KCNH7: variants seen among roughly 807,000 people sequenced by gnomAD.
The protein encoded by KCNH7 is voltage-gated inwardly rectifying potassium channel KCNH7.
Under a neutral mutation model 120.8 loss-of-function variants are expected in KCNH7, and 49 were observed. The observed-to-expected ratio is 0.41, with a 90% CI of 0.32 to 0.51. The LOEUF is 0.51. Among genes scored for constraint, KCNH7 ranks in the 20% least tolerant of loss-of-function variants. The pLI is 0.38. For missense variants in KCNH7, 1,097 were observed against 1,446.6 expected, an observed-to-expected ratio of 0.76 and a Z score of 3.92; for synonymous variants, 547 against 516.1, an observed-to-expected ratio of 1.06 and a Z score of -0.81.
intron 2 of KCNH7, among the ~76,000 whole-genome samples, chr2:162,593,236 A>G (rs775421584): frequency 6.6e-6 from 1 of 152,088 alleles, no homozygotes; most frequent in Admixed American, 6.6e-5. Context: ...GATCTCTGGC[A>G]TAAGTAGTGG....
chr2:162,461,534 A>C (rs902811390), intron 6 of KCNH7, among the ~76,000 whole-genome samples: 2 of 152,252 alleles, frequency 1.3e-5, no homozygotes, highest in African/African-American at 4.8e-5. Flanking sequence ...TGCTAATTAT[A>C]GTTATTGAAT....
intron 2 of KCNH7, among the ~76,000 whole-genome samples, chr2:162,630,342 T>A (rs1683721196): frequency 6.6e-6 from 1 of 151,662 alleles, no homozygotes; most frequent in Non-Finnish European, 1.5e-5. Flanking sequence ...GACATGAAAA[T>A]ATGAAGCTAG....
intron 2 of KCNH7, among the ~76,000 whole-genome samples, chr2:162,590,767 G>A (rs566571939): frequency 6.6e-6 from 1 of 152,042 alleles, no homozygotes; most frequent in South Asian, 2.1e-4. Context: ...CTGTAGCCTG[G>A]GTGACTGTAA....
chr2:162,576,832 C>G (rs1237464722), intron 2 of KCNH7, among the ~76,000 whole-genome samples: 1 of 151,938 alleles, frequency 6.6e-6, no homozygotes, highest in Non-Finnish European at 1.5e-5. Context: ...TCTGGTAGAA[C>G]TATGAAGAAC....
chr2:162,652,069 A>G (rs551251284), intron 2 of KCNH7, among the ~76,000 whole-genome samples: 1 of 152,232 alleles, frequency 6.6e-6, no homozygotes, highest in South Asian at 2.1e-4. Context: ...AATTTGTAAA[A>G]CAGGATATTA....
intron 6 of KCNH7, among the ~76,000 whole-genome samples, chr2:162,495,358 T>C (rs1248085091): frequency 6.6e-6 from 1 of 152,124 alleles, no homozygotes; most frequent in African/African-American, 2.4e-5. Flanking sequence ...AGGAGCCCTA[T>C]GTTCTGGGGA....
intron 8 of KCNH7, among the ~76,000 whole-genome samples, chr2:162,432,538 A>G (rs565885667): frequency 6.6e-6 from 1 of 152,152 alleles, no homozygotes; most frequent in Admixed American, 6.6e-5. Flanking sequence ...ATCAGGATCT[A>G]TTTTCAACTT....
At chr2:162,400,144 A>T in intron 10 of KCNH7, 45 bp downstream of exon 10, 1 of 1,596,740 alleles carries the variant, frequency 6.3e-7, no homozygotes, top group Non-Finnish European at 8.6e-7. Context: ...TATGCATTAC[A>T]AGCTAATAAC....
chr2:162,595,286 C>T (rs1694341361), intron 2 of KCNH7, among the ~76,000 whole-genome samples: 1 of 151,898 alleles, frequency 6.6e-6, no homozygotes, highest in South Asian at 2.1e-4. Flanking sequence ...TCTTGTGAGA[C>T]TCACTCACTA....
intron 2 of KCNH7, among the ~76,000 whole-genome samples, chr2:162,542,371 G>C (rs944653037): frequency 6.0e-5 from 9 of 148,962 alleles, no homozygotes; most frequent in Non-Finnish European, 1.2e-4. Flanking sequence ...TTTAGCATTA[G>C]GTATATCTCC....
chr2:162,511,480 C>CAA (rs34204046), intron 5 of KCNH7, among the ~76,000 whole-genome samples: 4 of 95,994 alleles, frequency 4.2e-5, no homozygotes, highest in African/African-American at 7.6e-5. Flanking sequence ...GTGGACAGGT[C>CAA]AAAAAAAAAA....
chr2:162,430,657 T>C (rs772549917), intron 8 of KCNH7, among the ~76,000 whole-genome samples: 2 of 151,990 alleles, frequency 1.3e-5, no homozygotes, highest in Non-Finnish European at 2.9e-5. Context: ...AATTGCCTTA[T>C]ATATTTTGTT....
chr2:162,537,416 T>A (rs890382351), intron 2 of KCNH7, among the ~76,000 whole-genome samples: 1 of 152,042 alleles, frequency 6.6e-6, no homozygotes, highest in Non-Finnish European at 1.5e-5. Flanking sequence ...CTTACCATTT[T>A]CTTATAAATT....
rs142340796 is a variant in KCNH7, at chr2:162,754,789, A to G, written c.307+81748T>C. Among the ~76,000 whole-genome samples the G allele has an allele frequency of 2.5e-3, 375 of 152,332 alleles. 1 individual carries two copies. Among genetic ancestry groups the G allele is most frequent in the African/African-American group, 8.9e-3 (369 of 41,584 alleles). On this transcript the variant is annotated intron_variant, in intron 2 of 15. Transcript: ENST00000332142. ...AGCAATAAAATGCAAAGAAAAAATG[A>G]ATTATGAAGAAGCCACTGTATTTAG...
At chr2:162,542,424 C>T (rs1417020489) in intron 2 of KCNH7, among the ~76,000 whole-genome samples, 6 of 130,480 alleles carry the variant, frequency 4.6e-5, no homozygotes, top group Non-Finnish European at 9.6e-5. Flanking sequence ...CAACAGTCCC[C>T]GGAGTGTGAT....
intron 6 of KCNH7, among the ~76,000 whole-genome samples, chr2:162,459,547 G>T (rs921493242): frequency 5.3e-5 from 8 of 152,074 alleles, no homozygotes; most frequent in African/African-American, 1.7e-4. Flanking sequence ...ATCTTTTCTT[G>T]CTCTGCCTTC....
intron 9 of KCNH7, among the ~76,000 whole-genome samples, chr2:162,402,041 C>T (rs1377756847): frequency 6.6e-6 from 1 of 151,648 alleles, no homozygotes; most frequent in Non-Finnish European, 1.5e-5. Context: ...ACAAAATATG[C>T]CTCCCTTTGA....
chr2:162,569,965 TG>T (rs1693404127), intron 2 of KCNH7, among the ~76,000 whole-genome samples: 1 of 132,694 alleles, frequency 7.5e-6, no homozygotes, highest in South Asian at 2.7e-4. Context: ...TGGTCAATTT[TG>T]GAATAGGTGT....
intron 2 of KCNH7, among the ~76,000 whole-genome samples, chr2:162,829,097 A>C (rs1348170582): frequency 6.6e-6 from 1 of 152,132 alleles, no homozygotes; most frequent in Non-Finnish European, 1.5e-5. Context: ...AGTCACAGCC[A>C]TGAGAACCTG....
Sources: allele counts gnomAD v4.1 joint callset (sites outside exome capture counted in the v4.1 genomes callset), GRCh38; gene constraint gnomAD v4.1.1; transcripts MANE v1.5; gene names NCBI Gene and HGNC (gene_info 2026-07-23, HGNC 2026-07-21).